FAM184A: variants seen among roughly 807,000 people sequenced by gnomAD.
The protein encoded by FAM184A is protein FAM184A.
In FAM184A, 99 loss-of-function variants were observed where a neutral mutation model predicts 143.8. The ratio of observed to expected loss-of-function variants is 0.69; its 90% CI spans 0.58 to 0.81. FAM184A has a LOEUF of 0.81. FAM184A is among the 40% of genes least tolerant of loss of function. The pLI is 0.00. For synonymous variants in FAM184A, 427 were observed against 446.4 expected, an observed-to-expected ratio of 0.96 and a Z score of 0.55; for missense variants, 1,217 against 1,310.5, an observed-to-expected ratio of 0.93 and a Z score of 1.10.
chr6:119,112,101 G>A (rs552968985), intron 1 of FAM184A, among the ~76,000 whole-genome samples: 33 of 151,934 alleles, frequency 2.2e-4, no homozygotes, highest in South Asian at 2.1e-3. Flanking sequence ...CATAGAGTGT[G>A]GGAATGATCA....
upstream of FAM184A, among the ~76,000 whole-genome samples, chr6:119,080,594 T>C (rs189590574): frequency 4.6e-5 from 7 of 152,324 alleles, no homozygotes; most frequent in Middle Eastern, 6.8e-3. Context: ...TCCAAAATGC[T>C]TGGGACCCAA....
upstream of FAM184A, among the ~76,000 whole-genome samples, chr6:119,082,028 G>A (rs890814823): frequency 1.3e-5 from 2 of 152,204 alleles, no homozygotes; most frequent in African/African-American, 4.8e-5. Flanking sequence ...TGGTGGGGGT[G>A]GCAGGCCAGG....
rs1562456919 is a variant in FAM184A at position 118,974,490 on chromosome 6, CA to C, written c.2852del (p.Met951SerfsTer15). The C allele has an allele frequency of 6.2e-7, 1 of 1,612,880 alleles. No homozygotes were observed. The highest frequency in any genetic ancestry group is 1.1e-5 in the South Asian group (1 of 90,912). On this transcript the variant is annotated frameshift_variant, in exon 14 of 18. Coordinates refer to ENST00000338891, the MANE Select transcript of FAM184A (RefSeq NM_024581.6). LOFTEE classifies it high-confidence loss of function. ...CGTTAGTCTTATTAAAATCTGCCCGCATGATATTTTTCTCTCTGAGGTGGTC... is the reference window on the plus strand; with the variant it reads ...CGTTAGTCTTATTAAAATCTGCCCGCTGATATTTTTCTCTCTGAGGTGGTC... ...TADHLREKNI[M>X]RADFNKTNEL...
chr6:119,063,511 A>T (rs1314312994), intron 1 of FAM184A, among the ~76,000 whole-genome samples: 1 of 152,198 alleles, frequency 6.6e-6, no homozygotes, highest in African/African-American at 2.4e-5. Flanking sequence ...CAGTGTTTTT[A>T]CTGGTAGTGT....
At chr6:118,967,048 A>C in intron 14 of FAM184A, 96 bp from the exon 15 acceptor site, 1 of 591,528 alleles carries the variant, frequency 1.7e-6, no homozygotes, top group Non-Finnish European at 2.9e-6. Context: ...AACACACACA[A>C]AAATCTGAAA....
chr6:119,044,406 G>C (rs536457115), intron 1 of FAM184A, among the ~76,000 whole-genome samples: 57 of 152,234 alleles, frequency 3.7e-4, no homozygotes, highest in African/African-American at 1.3e-3. Flanking sequence ...AACAAAGCAA[G>C]AGTCTGTCTC....
chr6:119,088,364 A>G (rs7749394), intron 1 of FAM184A, among the ~76,000 whole-genome samples: 72,494 of 151,978 alleles, frequency 0.48, 18,679 homozygotes, highest in African/African-American at 0.66. Flanking sequence ...CAATCAATAA[A>G]CATTTATTCA....
intron 1 of FAM184A, among the ~76,000 whole-genome samples, chr6:119,129,987 G>A (rs1185046290): frequency 2.0e-5 from 3 of 152,156 alleles, no homozygotes; most frequent in Non-Finnish European, 2.9e-5. Flanking sequence ...GGGACACACT[G>A]CAAGTTCCTA....
chr6:119,084,592 C>T (rs1020870092), intron 1 of FAM184A, among the ~76,000 whole-genome samples: 2 of 152,204 alleles, frequency 1.3e-5, no homozygotes, highest in Non-Finnish European at 2.9e-5. Flanking sequence ...GTGGCTCTAA[C>T]ATTCTAAGGG....
At chr6:119,097,632 G>A (rs144292693) in intron 1 of FAM184A, among the ~76,000 whole-genome samples, 21 of 152,078 alleles carry the variant, frequency 1.4e-4, no homozygotes, top group African/African-American at 4.8e-4. Context: ...CATATCTTTC[G>A]CTCAAGGTTT....
chr6:118,980,440 TTAA>T (rs1306103300), intron 9 of FAM184A, 90 bp from the exon 10 acceptor site: 5 of 912,808 alleles, frequency 5.5e-6, no homozygotes, highest in Middle Eastern at 4.4e-4. Flanking sequence ...TTCAAAGATA[TTAA>T]TGATAGTAAA....
intron 3 of FAM184A, among the ~76,000 whole-genome samples, chr6:119,022,522 TAC>T (rs910708846): frequency 4.5e-4 from 68 of 152,308 alleles, no homozygotes; most frequent in African/African-American, 1.6e-3. Context: ...TTAACTTATT[TAC>T]AGTCTAAATA....
chr6:118,986,162 G>A (rs1468737874), intron 9 of FAM184A, among the ~76,000 whole-genome samples: 10 of 152,056 alleles, frequency 6.6e-5, no homozygotes, highest in Admixed American at 3.9e-4. Flanking sequence ...GTGTGGCAGC[G>A]GGCGCCTGTA....
intron 1 of FAM184A, among the ~76,000 whole-genome samples, chr6:119,039,879 A>T (rs571999606): frequency 1.3e-5 from 2 of 152,328 alleles, no homozygotes; most frequent in Admixed American, 1.3e-4. Context: ...AGAGACAAAA[A>T]TGGCAAAGTA....
intron 1 of FAM184A, among the ~76,000 whole-genome samples, chr6:119,112,012 A>G (rs558488193): frequency 6.6e-6 from 1 of 152,330 alleles, no homozygotes; most frequent in East Asian, 1.9e-4. Context: ...ATTAAAAACT[A>G]TGTAATCCCT....
chr6:119,016,781 C>T lies in FAM184A; in HGVS notation c.1496G>A (p.Ser499Asn), dbSNP rs371604034. 4.3e-6 allele frequency: 7 copies of T among 1,614,042 alleles called. No homozygotes were observed. The highest frequency in any genetic ancestry group is 3.3e-5 in the Admixed American group (2 of 60,002). ...TTTTTTCTTATCCCTAATTGCATTA[C>T]TGTGGACAGCTTCAATTGCCATATG... The part of the protein sequence containing the change: ...KHHMAIEAVH[S>N]NAIRDKKKLQ... Residue 499 changes from serine (S) to asparagine (N), a missense_variant, in exon 5 of 18, where the codon AGT (serine) becomes AAT (asparagine). Ser to Asn is a conservative substitution (Grantham distance 46). Coordinates refer to ENST00000338891, the MANE Select transcript of FAM184A (RefSeq NM_024581.6).
At chr6:119,059,095 C>G (rs1272860091) in intron 1 of FAM184A, among the ~76,000 whole-genome samples, 1 of 152,124 alleles carries the variant, frequency 6.6e-6, no homozygotes, top group Non-Finnish European at 1.5e-5. Context: ...CTCCCGGGTT[C>G]AAGCAATCCT....
At chr6:118,975,271 C>A (rs761567247) in intron 12 of FAM184A, 63 bp from the exon 13 acceptor site, 47 of 1,196,426 alleles carry the variant, frequency 3.9e-5, no homozygotes, top group Admixed American at 5.6e-5. Context: ...TGTTTATCTG[C>A]GGGAAAGAAA....
chr6:119,111,847 T>C (rs529344668), intron 1 of FAM184A, among the ~76,000 whole-genome samples: 1 of 152,336 alleles, frequency 6.6e-6, no homozygotes, highest in South Asian at 2.1e-4. Flanking sequence ...TCCTGGCATA[T>C]AGACTGAATA....
Sources: gnomAD v4.1 joint callset for allele counts (sites outside exome capture counted in the v4.1 genomes callset) on GRCh38, gnomAD v4.1.1 for gene constraint, MANE v1.5 for transcripts, NCBI Gene and HGNC (gene_info 2026-07-23, HGNC 2026-07-21) for gene names.